Variants in TIMM17A observed in about 807,000 individuals in gnomAD.
The protein encoded by TIMM17A is translocase of inner mitochondrial membrane 17A, also known as mitochondrial import inner membrane translocase subunit Tim17-A.
Under a neutral mutation model 26.5 loss-of-function variants are expected in TIMM17A, and 15 were observed. The ratio of observed to expected loss-of-function variants is 0.57; its 90% confidence interval spans 0.38 to 0.87. TIMM17A has a LOEUF of 0.87. Among genes scored for constraint, TIMM17A ranks in the 40% least tolerant of loss-of-function variants. The probability of loss-of-function intolerance (pLI) is 0.00; values close to 1 mark genes in which losing one functional copy is unlikely to be tolerated. For synonymous variants in TIMM17A, 80 were observed against 70.8 expected, an observed-to-expected ratio of 1.13 and a Z score of -0.66; for missense variants, 201 against 210.0, an observed-to-expected ratio of 0.96 and a Z score of 0.27.
intron 4 of TIMM17A, 22 bp downstream of exon 4, chr1:201,963,766 A>G: frequency 6.4e-7 from 1 of 1,573,430 alleles, no homozygotes. Context: ...TTACAGACAT[A>G]CTAGTAGAAG....
Position 201,965,445 on chromosome 1 carries a change from C to T in TIMM17A, c.332C>T (p.Ala111Val), listed in dbSNP as rs746549732. 10 of 1,611,066 alleles carry T rather than the reference C, an allele frequency of 6.2e-6. No individual in the cohort carries two copies. The highest frequency in any genetic ancestry group is 8.5e-6 in the Non-Finnish European group (10 of 1,177,206). ...TTAATGTCTTCAGATGGACCAGTGG[C>T]CATGGTTGGGTCAGCCGCAATGGGT... The part of the protein sequence containing the change: ...AILAARNGPV[A>V]MVGSAAMGGI... The change falls in exon 5 of 6, where the codon GCC (alanine) becomes GTC (valine). Residue 111 changes from alanine (A) to valine (V), a missense_variant. Coordinates refer to ENST00000367287, the MANE Select transcript of TIMM17A (RefSeq NM_006335.3).
intron 4 of TIMM17A, 58 bp from the exon 5 acceptor site, chr1:201,965,373 ATC>A: frequency 8.4e-7 from 1 of 1,185,506 alleles, no homozygotes. Flanking sequence ...CTTCTTTACT[ATC>A]TCTTACAGTA....
At chr1:201,955,723 C>G (rs555836377) in intron 1 of TIMM17A, among the ~76,000 whole-genome samples, 171 bp downstream of exon 1, 8 of 152,354 alleles carry the variant, frequency 5.3e-5, no homozygotes, top group Admixed American at 4.6e-4. Flanking sequence ...TAGCCCTGTA[C>G]TTAGTACCTC....
At chr1:201,961,794 C>G (rs1682537822) in intron 3 of TIMM17A, among the ~76,000 whole-genome samples, 1 of 152,062 alleles carries the variant, frequency 6.6e-6, no homozygotes, top group Admixed American at 6.6e-5. Context: ...ATTTCCAGTT[C>G]ATCCCACAGG....
chr1:201,964,635 C>CCTTT (rs1682590981), intron 4 of TIMM17A, among the ~76,000 whole-genome samples: 1 of 90,954 alleles, frequency 1.1e-5, no homozygotes, highest in African/African-American at 5.1e-5. Context: ...TATTTTATTT[C>CCTTT]TTTTTTTTTT....
chr1:201,963,884 G>C (rs1682577471), intron 4 of TIMM17A, 140 bp downstream of exon 4: 2 of 935,564 alleles, frequency 2.1e-6, no homozygotes, highest in East Asian at 6.1e-5. Context: ...CCATCACTTG[G>C]GAGGCTGAGG....
intron 3 of TIMM17A, among the ~76,000 whole-genome samples, chr1:201,961,161 G>A (rs1415002153): frequency 6.6e-6 from 1 of 151,598 alleles, no homozygotes; most frequent in Non-Finnish European, 1.5e-5. Context: ...CATCTGTCCG[G>A]TTCAAGCGAT....
At chr1:201,963,549 T>A in intron 3 of TIMM17A, 67 bp from the exon 4 acceptor site, 9 of 1,531,746 alleles carry the variant, frequency 5.9e-6, no homozygotes, top group Non-Finnish European at 8.0e-6. Flanking sequence ...TGTTTTTGAC[T>A]ATAATATTTT....
chr1:201,962,337 C>T (rs1204221731), intron 3 of TIMM17A: 1 of 152,148 alleles, frequency 6.6e-6, no homozygotes, highest in Non-Finnish European at 1.5e-5. Flanking sequence ...GTACTATCCA[C>T]TGGATTTATT....
At chr1:201,959,646 G>A (rs532734288) in intron 3 of TIMM17A, among the ~76,000 whole-genome samples, 6 of 151,924 alleles carry the variant, frequency 3.9e-5, no homozygotes, top group Admixed American at 2.0e-4. Flanking sequence ...AGAGTGAGAC[G>A]CTGTCTCAAA....
At chr1:201,955,777 A>G (rs947778798) in intron 1 of TIMM17A, among the ~76,000 whole-genome samples, 1 of 152,148 alleles carries the variant, frequency 6.6e-6, no homozygotes, top group Admixed American at 6.5e-5. Flanking sequence ...CACCCGTGTG[A>G]CCTTGTGATG....
At chr1:201,957,639 T>A in intron 3 of TIMM17A, 65 bp downstream of exon 3, 1 of 1,340,152 alleles carries the variant, frequency 7.5e-7, no homozygotes, top group Non-Finnish European at 1.1e-6. Flanking sequence ...GAGCTATTTT[T>A]ATTTTTAGAT....
intron 3 of TIMM17A, among the ~76,000 whole-genome samples, chr1:201,961,781 C>T (rs1007228743): frequency 1.3e-4 from 20 of 151,978 alleles, no homozygotes; most frequent in Admixed American, 5.2e-4. Flanking sequence ...ATTGATATCT[C>T]GTATTTCCAG....
chr1:201,955,775 T>A (rs148451063), intron 1 of TIMM17A, among the ~76,000 whole-genome samples: 3,594 of 152,312 alleles, frequency 0.024, 55 homozygotes, highest in Admixed American at 0.037. Context: ...AGCACCCGTG[T>A]GACCTTGTGA....
intron 3 of TIMM17A, 57 bp downstream of exon 3, chr1:201,957,631 G>A (rs1471761317): frequency 2.1e-6 from 3 of 1,429,816 alleles, no homozygotes; most frequent in Non-Finnish European, 2.9e-6. Flanking sequence ...TGAAGATGGA[G>A]CTATTTTTAT....
chr1:201,956,638 A>G (rs1168174013), intron 1 of TIMM17A, among the ~76,000 whole-genome samples: 3 of 152,240 alleles, frequency 2.0e-5, no homozygotes, highest in Non-Finnish European at 4.4e-5. Context: ...GCAGAGAGTT[A>G]AAATATTTAA....
At chr1:201,965,361 CTCT>C in intron 4 of TIMM17A, 69 bp from the exon 5 acceptor site, 1 of 1,087,508 alleles carries the variant, frequency 9.2e-7, no homozygotes, top group Non-Finnish European at 1.4e-6. Flanking sequence ...ATGGACAGTT[CTCT>C]TCTTTACTAT....
At chr1:201,955,628 A>G (rs1682395861) in intron 1 of TIMM17A, 76 bp downstream of exon 1, 1 of 1,600,666 alleles carries the variant, frequency 6.2e-7, no homozygotes, top group Admixed American at 1.7e-5. Flanking sequence ...CCAGGCTCCC[A>G]AGGTGCAAGC....
rs544432530 is a variant in TIMM17A, at chr1:201,969,448, C to G, written c.431-21C>G. 4.4e-6 allele frequency: 7 copies of G among 1,588,696 alleles called. No individual in the cohort carries two copies. The East Asian group carries it at 9.0e-5, about 20-fold the overall frequency. On this transcript the variant is annotated intron_variant, in intron 5 of 5. Coordinates refer to ENST00000367287, the MANE Select transcript of TIMM17A (RefSeq NM_006335.3). The stretch of plus-strand genomic sequence containing the variant: ...ATAATATTCAGGTGATTTTTAAATC[C>G]TTTTTATTTCTCACTTGCAGGTCCT...
Sources: gnomAD v4.1 joint callset for allele counts (sites outside exome capture counted in the v4.1 genomes callset) on GRCh38, gnomAD v4.1.1 for gene constraint, MANE v1.5 for transcripts, NCBI Gene and HGNC (gene_info 2026-07-23, HGNC 2026-07-21) for gene names.